The following PKNOX2 variants were observed in gnomAD, a reference collection of about 807,000 sequenced individuals.
The protein encoded by PKNOX2 is homeobox protein PKNOX2.
PKNOX2 carries 14 observed loss-of-function variants against 53.1 expected under a neutral mutation model. The ratio of observed to expected loss-of-function variants is 0.26; its 90% CI spans 0.17 to 0.41. The LOEUF is 0.41. Ranked by LOEUF, PKNOX2 falls within the 10% of genes least tolerant of loss-of-function variation. The pLI is 1.00. For missense variants in PKNOX2, 496 were observed against 602.8 expected, an observed-to-expected ratio of 0.82 and a Z score of 1.85; for synonymous variants, 257 against 242.8, an observed-to-expected ratio of 1.06 and a Z score of -0.54.
chr11:125,328,251 A>T (rs1032809260), intron 2 of PKNOX2, among the ~76,000 whole-genome samples: 20 of 152,208 alleles, frequency 1.3e-4, no homozygotes, highest in Admixed American at 4.6e-4. Flanking sequence ...AGCATCACAC[A>T]CACATTGTAG....
intron 5 of PKNOX2, among the ~76,000 whole-genome samples, chr11:125,379,050 T>C (rs1727638686): frequency 1.6e-5 from 2 of 128,290 alleles, no homozygotes; most frequent in African/African-American, 3.2e-5. Flanking sequence ...CTTTTTTTTC[T>C]TTCTCTTTTT....
At chr11:125,430,200 T>G in intron 12 of PKNOX2, 59 bp downstream of exon 12, 1 of 1,568,282 alleles carries the variant, frequency 6.4e-7, no homozygotes, top group Non-Finnish European at 8.7e-7. Context: ...TGGAGCTTCT[T>G]CAGGTCAAGC....
At chr11:125,285,349 AT>A (rs1269273450) in intron 2 of PKNOX2, among the ~76,000 whole-genome samples, 1 of 152,152 alleles carries the variant, frequency 6.6e-6, no homozygotes, top group Non-Finnish European at 1.5e-5. Flanking sequence ...GAGAATAAGG[AT>A]ATTGAAGGGT....
chr11:125,407,021 C>T (rs930707987), intron 7 of PKNOX2, among the ~76,000 whole-genome samples: 8 of 151,382 alleles, frequency 5.3e-5, no homozygotes, highest in African/African-American at 7.3e-5. Flanking sequence ...CCCAGACCTC[C>T]GGGATGCCAA....
intron 2 of PKNOX2, among the ~76,000 whole-genome samples, chr11:125,241,715 C>T (rs535775571): frequency 1.3e-5 from 2 of 152,112 alleles, no homozygotes; most frequent in South Asian, 2.1e-4. Flanking sequence ...ATTAGCCAGG[C>T]GTAGTGGCGC....
chr11:125,323,128 G>A (rs1949623373), intron 2 of PKNOX2, among the ~76,000 whole-genome samples: 1 of 151,988 alleles, frequency 6.6e-6, no homozygotes, highest in African/African-American at 2.4e-5. Context: ...ATGGATGGAG[G>A]CCAGGTATCT....
At chr11:125,400,211 A>G (rs946885414) in intron 7 of PKNOX2, among the ~76,000 whole-genome samples, 3 of 152,060 alleles carry the variant, frequency 2.0e-5, no homozygotes, top group South Asian at 2.1e-4. Flanking sequence ...AAGAGAAAAG[A>G]CACTAGTGAG....
At chr11:125,397,311 T>C (rs986688284) in intron 6 of PKNOX2, among the ~76,000 whole-genome samples, 2 of 152,214 alleles carry the variant, frequency 1.3e-5, no homozygotes, top group Admixed American at 6.5e-5. Flanking sequence ...CTCAGAATGC[T>C]TGTTTAAGAA....
intron 1 of PKNOX2, among the ~76,000 whole-genome samples, chr11:125,193,340 G>A (rs1056522975): frequency 2.6e-5 from 4 of 152,188 alleles, no homozygotes. Flanking sequence ...ATGCTGCAGA[G>A]GCCCTTTCTC....
intron 1 of PKNOX2, among the ~76,000 whole-genome samples, chr11:125,217,148 C>T (rs1054660577): frequency 7.9e-5 from 12 of 152,216 alleles, no homozygotes; most frequent in South Asian, 4.2e-4. Context: ...TGTGCACACA[C>T]GACCCTCCAG....
At chr11:125,428,109 T>A (rs1956515386) in intron 10 of PKNOX2, among the ~76,000 whole-genome samples, 1 of 152,160 alleles carries the variant, frequency 6.6e-6, no homozygotes. Flanking sequence ...GTATGTCATT[T>A]GTATGTGGAA....
intron 4 of PKNOX2, among the ~76,000 whole-genome samples, chr11:125,361,696 T>C (rs1023383292): frequency 1.3e-5 from 2 of 152,222 alleles, no homozygotes; most frequent in African/African-American, 4.8e-5. Context: ...TATCTCCTAA[T>C]GCTATCCCAC....
intron 1 of PKNOX2, among the ~76,000 whole-genome samples, chr11:125,169,510 C>T (rs1159970063): frequency 6.6e-6 from 1 of 152,130 alleles, no homozygotes; most frequent in African/African-American, 2.4e-5. Context: ...GCATGCTGAG[C>T]TAGTGTTTAG....
At chr11:125,360,015 T>A (rs1200070348) in intron 4 of PKNOX2, among the ~76,000 whole-genome samples, 1 of 152,100 alleles carries the variant, frequency 6.6e-6, no homozygotes, top group Non-Finnish European at 1.5e-5. Flanking sequence ...TGAGCCACCA[T>A]GCCCGGTGTA....
In PKNOX2 at chr11:125,306,903, G is replaced by T. The variant is rs149738306; in HGVS notation, c.-129-24916G>T. 1.5e-3 allele frequency among the ~76,000 whole-genome samples: 226 copies of T among 152,288 alleles called. 2 individuals carry two copies. In the South Asian group the frequency reaches 0.027, roughly 18 times the overall value. ...GTTGCATTTGGAGAATTTGCTGAGAGAATGGATTTAAGGCCACAGGGTTCC... is the reference window on the plus strand; with the variant it reads ...GTTGCATTTGGAGAATTTGCTGAGATAATGGATTTAAGGCCACAGGGTTCC... On this transcript the variant is annotated intron_variant, in intron 2 of 12. Transcript: ENST00000298282.
At chr11:125,182,787 G>T (rs911772164) in intron 1 of PKNOX2, among the ~76,000 whole-genome samples, 6 of 152,214 alleles carry the variant, frequency 3.9e-5, no homozygotes, top group Non-Finnish European at 7.3e-5. Flanking sequence ...ACAGAGAAGG[G>T]CCTGGGGAAG....
intron 1 of PKNOX2, among the ~76,000 whole-genome samples, chr11:125,232,903 CT>C (rs914353620): frequency 1.3e-5 from 2 of 148,902 alleles, no homozygotes; most frequent in Non-Finnish European, 3.0e-5. Context: ...TTTTGCAATA[CT>C]TTTTTTAATG....
In PKNOX2 at chr11:125,218,799, G is replaced by A. The variant is rs551945762; in HGVS notation, c.-200-16246G>A. ...GTAGCAGCAAATCCAACCCAAAAAGGCTTAAAGAGTGAGGCATTTAGTTTC... is the reference window on the plus strand; with the variant it reads ...GTAGCAGCAAATCCAACCCAAAAAGACTTAAAGAGTGAGGCATTTAGTTTC... On this transcript the variant is annotated intron_variant, in intron 1 of 12. Coordinates refer to ENST00000298282, the MANE Select transcript of PKNOX2 (RefSeq NM_001382323.2). 7.9e-4 allele frequency among the ~76,000 whole-genome samples: 120 copies of A among 152,266 alleles called. 1 individual carries two copies. Among genetic ancestry groups the A allele is most frequent in the African/African-American group, 2.9e-3 (119 of 41,546 alleles).
At chr11:125,195,243 CA>C (rs1393186059) in intron 1 of PKNOX2, among the ~76,000 whole-genome samples, 34 of 152,166 alleles carry the variant, frequency 2.2e-4, no homozygotes, top group African/African-American at 8.0e-4. Flanking sequence ...GAAGCTGAGC[CA>C]GAATTTGAAC....
Sources: allele counts gnomAD v4.1 joint callset (sites outside exome capture counted in the v4.1 genomes callset), GRCh38; gene constraint gnomAD v4.1.1; transcripts MANE v1.5; gene names NCBI Gene and HGNC (gene_info 2026-07-23, HGNC 2026-07-21).